Variants in SGIP1 observed in about 807,000 individuals in gnomAD.
SGIP1 encodes SH3-containing GRB2-like protein 3-interacting protein 1.
In SGIP1, 38 loss-of-function variants were observed where a neutral mutation model predicts 107.5. The observed-to-expected ratio is 0.35, with a 90% CI of 0.27 to 0.46. SGIP1 has a LOEUF of 0.46. Ranked by LOEUF, SGIP1 falls within the 20% of genes least tolerant of loss-of-function variation. The pLI is 1.00. For synonymous variants in SGIP1, 365 were observed against 366.1 expected (o/e 1.00, Z 0.03); for missense variants, 929 against 1,019.5 (o/e 0.91, Z 1.21).
intron 20 of SGIP1, among the ~76,000 whole-genome samples, chr1:66,732,953 A>C (rs1307388033): frequency 2.0e-5 from 3 of 152,186 alleles, no homozygotes; most frequent in Admixed American, 2.0e-4. Context: ...CAGCTTCCTC[A>C]TTATACGGGA....
At chr1:66,583,698 T>C (rs563655676) in intron 1 of SGIP1, among the ~76,000 whole-genome samples, 7 of 152,228 alleles carry the variant, frequency 4.6e-5, no homozygotes, top group South Asian at 4.1e-4. Context: ...TCCGAATTAG[T>C]AGTGTCCTTC....
At chr1:66,651,847 A>T (rs988703865) in intron 7 of SGIP1, among the ~76,000 whole-genome samples, 2 of 152,204 alleles carry the variant, frequency 1.3e-5, no homozygotes, top group African/African-American at 4.8e-5. Flanking sequence ...TTAAATGTTA[A>T]GGAATGATGT....
At chr1:66,540,103 G>A (rs372644271) in intron 1 of SGIP1, among the ~76,000 whole-genome samples, 3 of 151,898 alleles carry the variant, frequency 2.0e-5, no homozygotes, top group Admixed American at 6.6e-5. Flanking sequence ...TATGATGGAC[G>A]TAAGAAAAAA....
intron 8 of SGIP1, among the ~76,000 whole-genome samples, chr1:66,664,870 C>G (rs1321951804): frequency 6.6e-6 from 1 of 152,122 alleles, no homozygotes; most frequent in Non-Finnish European, 1.5e-5. Context: ...AGAGGCAGAG[C>G]TATTAGAGAT....
At chr1:66,545,628 T>TTGTGTGTGTGTGTGTGTGTG (rs769603266) in intron 1 of SGIP1, among the ~76,000 whole-genome samples, 10 of 139,044 alleles carry the variant, frequency 7.2e-5, no homozygotes, top group East Asian at 4.4e-4. Flanking sequence ...ACTGAACAAA[T>TTGTGTGTGTGTGTGTGTGTG]TGTGTGTGTG....
intron 1 of SGIP1, among the ~76,000 whole-genome samples, chr1:66,562,470 TA>T (rs1480783267): frequency 6.6e-6 from 1 of 151,748 alleles, no homozygotes; most frequent in Admixed American, 6.6e-5. Context: ...ATATGAACAA[TA>T]AAGACTGGGA....
chr1:66,574,743 T>G (rs1235271104), intron 1 of SGIP1, among the ~76,000 whole-genome samples: 1 of 152,158 alleles, frequency 6.6e-6, no homozygotes, highest in Non-Finnish European at 1.5e-5. Context: ...GTCTGTGGAT[T>G]GCTTGAATGT....
Position 66,748,727 on chromosome 1 carries a change from A to G in SGIP1, c.*5632A>G, listed in dbSNP as rs1441397305. Among the ~76,000 whole-genome samples, 3 of 152,020 alleles carry G rather than the reference A, an allele frequency of 2.0e-5. No homozygotes were observed. Among genetic ancestry groups the G allele is most frequent in the South Asian group, 2.1e-4 (1 of 4,834 alleles). On this transcript the variant is annotated 3_prime_UTR_variant, in exon 25 of 25. Coordinates refer to ENST00000371037, the MANE Select transcript of SGIP1 (RefSeq NM_032291.4). ...GTTTTAAAGAAAAGAAGTAAAGTGT[A>G]TTTGGGCTATGCTCACCAATATTCC... is the stretch of plus-strand genomic sequence containing the variant.
At chr1:66,660,787 C>T (rs1244031564) in intron 8 of SGIP1, among the ~76,000 whole-genome samples, 3 of 152,168 alleles carry the variant, frequency 2.0e-5, no homozygotes, top group Non-Finnish European at 2.9e-5. Flanking sequence ...CACAGCCACA[C>T]GATCAAATAT....
At chr1:66,605,817 G>A (rs192451422) in intron 1 of SGIP1, among the ~76,000 whole-genome samples, 4 of 152,250 alleles carry the variant, frequency 2.6e-5, no homozygotes, top group Admixed American at 2.6e-4. Context: ...TTATGTCTGT[G>A]GTTCAATTAG....
intron 1 of SGIP1, among the ~76,000 whole-genome samples, chr1:66,617,318 T>TA (rs35679039): frequency 0.15 from 22,398 of 152,078 alleles, 2,184 homozygotes; most frequent in East Asian, 0.46. Context: ...TAAATATCAT[T>TA]AAAAAAATCA....
rs545320348 is a variant in SGIP1 at position 66,679,856 on chromosome 1, A to T, written c.814+104A>T. On this transcript the variant is annotated intron_variant, in intron 14 of 24. Transcript: ENST00000371037. Reference sequence around the variant, plus strand: ...TGAAAACTGTAGGCTACACAAAAACATCACAATGTTGGCATTCAGTTTTGC... The same window carrying T: ...TGAAAACTGTAGGCTACACAAAAACTTCACAATGTTGGCATTCAGTTTTGC... The T allele has an allele frequency of 5.7e-6, 6 of 1,045,156 alleles. No homozygotes were observed. The South Asian group carries it at 1.3e-4, about 23-fold the overall frequency. 64.7% of individuals were successfully genotyped at this position (1,045,156 alleles called of 1,614,324 possible).
At chr1:66,634,011 T>G in intron 3 of SGIP1, 225 of 1,397,096 alleles carry the variant, frequency 1.6e-4, no homozygotes, top group Non-Finnish European at 2.1e-4. Context: ...GTTCTTACCA[T>G]GAAATGTTAA....
intron 5 of SGIP1, among the ~76,000 whole-genome samples, chr1:66,640,320 G>A (rs1390037082): frequency 6.6e-6 from 1 of 152,172 alleles, no homozygotes; most frequent in Non-Finnish European, 1.5e-5. Flanking sequence ...CTAGCCTGTA[G>A]TATTTGTTCA....
At chr1:66,540,861 A>C (rs529616518) in intron 1 of SGIP1, among the ~76,000 whole-genome samples, 2 of 152,222 alleles carry the variant, frequency 1.3e-5, no homozygotes, top group Non-Finnish European at 2.9e-5. Context: ...CCTTGCAAAC[A>C]AAATGAGATA....
intron 21 of SGIP1, among the ~76,000 whole-genome samples, chr1:66,738,271 C>A (rs966590171): frequency 2.0e-5 from 3 of 152,150 alleles, no homozygotes; most frequent in Non-Finnish European, 2.9e-5. Flanking sequence ...TTCAGTCTAC[C>A]TTCAGGACCC....
At chr1:66,742,485 T>TTTTTTTTTTTTTTTTTTTA (rs2094483643) in intron 24 of SGIP1, among the ~76,000 whole-genome samples, 1 of 117,632 alleles carries the variant, frequency 8.5e-6, no homozygotes, top group Non-Finnish European at 1.8e-5. Flanking sequence ...TTTTTTTTTT[T>TTTTTTTTTTTTTTTTTTTA]TTGAGACGGA....
intron 14 of SGIP1, among the ~76,000 whole-genome samples, chr1:66,680,425 G>A (rs1369465587): frequency 6.6e-6 from 1 of 152,178 alleles, no homozygotes; most frequent in Non-Finnish European, 1.5e-5. Flanking sequence ...GCTGTTATGT[G>A]CCTGGGCCCT....
At chr1:66,710,441 A>C (rs2092837773) in intron 18 of SGIP1, among the ~76,000 whole-genome samples, 1 of 152,144 alleles carries the variant, frequency 6.6e-6, no homozygotes, top group Non-Finnish European at 1.5e-5. Flanking sequence ...TGTAATTTAC[A>C]TAAACTAATG....
Sources: gnomAD v4.1 joint callset for allele counts (sites outside exome capture counted in the v4.1 genomes callset) on GRCh38, gnomAD v4.1.1 for gene constraint, MANE v1.5 for transcripts, NCBI Gene and HGNC (gene_info 2026-07-23, HGNC 2026-07-21) for gene names.